The following NR5A2 variants were observed in gnomAD, a reference collection of about 807,000 sequenced individuals.
The protein encoded by NR5A2 is CYP7A promoter-binding factor.
NR5A2 carries 26 observed loss-of-function variants against 62.7 expected under a neutral mutation model. That is an observed-to-expected ratio of 0.41 (90% confidence interval 0.30 to 0.58). The LOEUF (loss-of-function observed/expected upper bound fraction) is 0.58, where lower values mean the gene tolerates loss of function less well. NR5A2 is among the 20% of genes least tolerant of loss of function. The probability of loss-of-function intolerance (pLI) is 0.22; values close to 1 mark genes in which losing one functional copy is unlikely to be tolerated. For synonymous variants in NR5A2, 246 were observed against 241.7 expected (o/e 1.02, Z -0.16); for missense variants, 541 against 669.1 (o/e 0.81, Z 2.11).
intron 5 of NR5A2, among the ~76,000 whole-genome samples, chr1:200,066,680 T>TG (rs1381627113): frequency 6.8e-6 from 1 of 146,590 alleles, no homozygotes; most frequent in African/African-American, 2.6e-5. Flanking sequence ...CTCTGCCTCC[T>TG]GGGGTCAAGT....
At chr1:200,082,919 A>G (rs1361094349) in intron 5 of NR5A2, among the ~76,000 whole-genome samples, 2 of 152,176 alleles carry the variant, frequency 1.3e-5, no homozygotes, top group African/African-American at 4.8e-5. Flanking sequence ...TGGAACTAAG[A>G]TGACCCTTCC....
Position 200,039,196 on chromosome 1 carries a change from G to T in NR5A2, c.65-462G>T, listed in dbSNP as rs1313022659. On this transcript the variant is annotated intron_variant, in intron 1 of 7. Transcript: ENST00000367362. This position sits in a 1 kb window ranked among gnomAD's most constrained non-coding sequence, Gnocchi z 5.1. ...CGGAGAGGAGGGGAGAGAGAAGGGA[G>T]GCGAGAGAAAGAGGAGAGAGACCCC... 4.6e-5 allele frequency among the ~76,000 whole-genome samples: 7 copies of T among 152,166 alleles called. No homozygotes were observed. Among genetic ancestry groups the T allele is most frequent in the Non-Finnish European group, 1.0e-4 (7 of 68,008 alleles).
chr1:200,150,131 C>G (rs1031561698), intron 7 of NR5A2, among the ~76,000 whole-genome samples: 5 of 152,172 alleles, frequency 3.3e-5, no homozygotes, highest in Non-Finnish European at 7.4e-5. Flanking sequence ...AAGGAGCACT[C>G]TCTCCTATAC....
At chr1:200,158,136 A>G (rs192498736) in intron 7 of NR5A2, among the ~76,000 whole-genome samples, 1 of 152,360 alleles carries the variant, frequency 6.6e-6, no homozygotes, top group East Asian at 1.9e-4. Flanking sequence ...CTCAATTTAT[A>G]TGTACTTAAA....
intron 5 of NR5A2, among the ~76,000 whole-genome samples, chr1:200,090,754 G>A (rs919342554): frequency 6.6e-6 from 1 of 152,110 alleles, no homozygotes; most frequent in Non-Finnish European, 1.5e-5. Context: ...TGGAGGTAGG[G>A]GGCATCAGTG....
At chr1:200,119,853 CCCA>C (rs538640442) in intron 6 of NR5A2, among the ~76,000 whole-genome samples, 3 of 152,182 alleles carry the variant, frequency 2.0e-5, no homozygotes, top group Non-Finnish European at 4.4e-5. Flanking sequence ...AAGCGATCCG[CCCA>C]CCTCGGCCTC....
intron 6 of NR5A2, among the ~76,000 whole-genome samples, chr1:200,115,774 G>A (rs1666188104): frequency 6.6e-6 from 1 of 152,052 alleles, no homozygotes; most frequent in Non-Finnish European, 1.5e-5. Context: ...AGGAGAATAA[G>A]ATGGGTGTTC....
In NR5A2 at chr1:200,147,428, C is replaced by T. The variant is rs1441574992; in HGVS notation, c.1378+26473C>T. 2.1e-6 allele frequency: 1 copy of T among 486,008 alleles called. No homozygotes were observed. Among genetic ancestry groups the T allele is most frequent in the Non-Finnish European group, 4.0e-6 (1 of 251,862 alleles). The allele number at this position is 486,008 out of a possible 1,614,324, so 30.1% of individuals were successfully genotyped here. A position where few individuals can be genotyped will look rare whatever the true frequency, so the allele number is the denominator to read the frequency against. On this transcript the variant is annotated intron_variant, in intron 7 of 7. Coordinates refer to ENST00000367362, the MANE Select transcript of NR5A2 (RefSeq NM_205860.3). This position sits in a 1 kb window ranked among gnomAD's most constrained non-coding sequence, Gnocchi z 4.9. ...TCTGGGCGAGATGCAGGCAGCTTAT[C>T]TGTTTATGGGGCTGCCTCCTCCAGT...
chr1:200,043,922 A>G (rs1020104465), intron 3 of NR5A2, 30 bp downstream of exon 3: 1 of 1,421,252 alleles, frequency 7.0e-7, no homozygotes, highest in Admixed American at 1.7e-5. Context: ...CCTGAAAAAT[A>G]TAATGTCCAA....
intron 5 of NR5A2, among the ~76,000 whole-genome samples, chr1:200,056,933 T>A (rs1036251065): frequency 1.3e-5 from 2 of 152,188 alleles, no homozygotes; most frequent in African/African-American, 4.8e-5. Flanking sequence ...CCTGACTGCC[T>A]CATTCTGTGT....
chr1:200,079,054 C>A (rs1282735176), intron 5 of NR5A2, among the ~76,000 whole-genome samples: 2 of 152,134 alleles, frequency 1.3e-5, no homozygotes, highest in Non-Finnish European at 2.9e-5. Context: ...AAATTCTAAT[C>A]CTCATGTTAC....
intron 7 of NR5A2, among the ~76,000 whole-genome samples, chr1:200,131,116 A>G (rs984425533): frequency 1.3e-5 from 2 of 152,262 alleles, no homozygotes; most frequent in Non-Finnish European, 2.9e-5. Context: ...GAAAGGATTG[A>G]TTAGCATTCA....
chr1:200,045,186 T>TA (rs111755329), intron 3 of NR5A2, among the ~76,000 whole-genome samples: 2 of 152,254 alleles, frequency 1.3e-5, no homozygotes, highest in African/African-American at 4.8e-5. Flanking sequence ...ACTGTTGGGA[T>TA]AAAATGGTGG....
chr1:200,171,110 T>C (rs956125936), intron 7 of NR5A2, among the ~76,000 whole-genome samples: 2 of 152,194 alleles, frequency 1.3e-5, no homozygotes, highest in Admixed American at 6.5e-5. Context: ...AGCAGAGCAA[T>C]GATCCTGGAA....
At chr1:200,078,035 G>T (rs1049940492) in intron 5 of NR5A2, among the ~76,000 whole-genome samples, 1 of 152,198 alleles carries the variant, frequency 6.6e-6, no homozygotes, top group African/African-American at 2.4e-5. Context: ...AAAGAAGCTA[G>T]TTAAAGAAAG....
chr1:200,115,039 T>C (rs7529757), intron 6 of NR5A2, among the ~76,000 whole-genome samples: 67,417 of 131,832 alleles, frequency 0.51, 15,104 homozygotes, highest in Admixed American at 0.55. Context: ...GGATATGCTT[T>C]TTTTGTGGTT....
chr1:200,156,554 A>G (rs1222602068), intron 7 of NR5A2, among the ~76,000 whole-genome samples: 4 of 151,716 alleles, frequency 2.6e-5, no homozygotes, highest in Non-Finnish European at 5.9e-5. Context: ...CCCCCCCACC[A>G]CACCCGGCTA....
At chr1:200,124,632 G>A (rs1041519395) in intron 7 of NR5A2, among the ~76,000 whole-genome samples, 2 of 152,118 alleles carry the variant, frequency 1.3e-5, no homozygotes, top group Non-Finnish European at 2.9e-5. Context: ...CTTACAAAAT[G>A]TTTACTGATA....
chr1:200,067,515 C>A lies in NR5A2; in HGVS notation c.1110+18697C>A, dbSNP rs187874055. ...AGGTTGCTGTGAGCTGTGATCGTGC[C>A]ATTGCACTCCAGCCTGGGCAACAAG... On this transcript the variant is annotated intron_variant, in intron 5 of 7. Coordinates refer to ENST00000367362, the MANE Select transcript of NR5A2 (RefSeq NM_205860.3). Among the ~76,000 whole-genome samples the A allele has an allele frequency of 5.1e-4, 77 of 152,280 alleles. 2 individuals are homozygous for A. In the East Asian group the frequency reaches 0.015, roughly 29 times the overall value.
Sources: allele counts gnomAD v4.1 joint callset (sites outside exome capture counted in the v4.1 genomes callset), GRCh38; gene constraint gnomAD v4.1.1; non-coding constraint Gnocchi (gnomAD v3.1); transcripts MANE v1.5; gene names NCBI Gene and HGNC (gene_info 2026-07-23, HGNC 2026-07-21).